The following PGRMC2 variants were observed in gnomAD, a reference collection of about 807,000 sequenced individuals.
The protein encoded by PGRMC2 is membrane-associated progesterone receptor component 2.
In PGRMC2, 9 loss-of-function variants were observed where a neutral mutation model predicts 19.3. The observed-to-expected ratio is 0.47, with a 90% confidence interval of 0.28 to 0.81. The LOEUF (loss-of-function observed/expected upper bound fraction) is 0.81. Among genes scored for constraint, PGRMC2 ranks in the 40% least tolerant of loss-of-function variants. The pLI, the probability that PGRMC2 is intolerant of heterozygous loss-of-function variation, is 0.11. For missense variants in PGRMC2, 289 were observed against 297.3 expected (o/e 0.97, Z 0.21); for synonymous variants, 157 against 124.6 (o/e 1.26, Z -1.73).
intron 1 of PGRMC2, among the ~76,000 whole-genome samples, chr4:128,273,348 CA>C (rs1462636351): frequency 6.6e-6 from 1 of 152,138 alleles, no homozygotes; most frequent in African/African-American, 2.4e-5. Context: ...GATGTGTTGA[CA>C]AAAACCATTC....
At chr4:128,284,200 A>C (rs1381158354) in intron 1 of PGRMC2, among the ~76,000 whole-genome samples, 1 of 152,210 alleles carries the variant, frequency 6.6e-6, no homozygotes, top group Non-Finnish European at 1.5e-5. Flanking sequence ...GATTCTCTAC[A>C]AGTTTATCAC....
At chr4:128,276,369 T>G (rs1362261647) in intron 1 of PGRMC2, among the ~76,000 whole-genome samples, 1 of 152,146 alleles carries the variant, frequency 6.6e-6, no homozygotes, top group Admixed American at 6.5e-5. Flanking sequence ...AGAGTCACAC[T>G]CTGTGGTGTG....
chr4:128,282,094 CCT>C (rs1760917608), intron 1 of PGRMC2, among the ~76,000 whole-genome samples: 1 of 152,178 alleles, frequency 6.6e-6, no homozygotes. Flanking sequence ...TTGTTTACTG[CCT>C]CTCTTCCTTA....
intron 1 of PGRMC2, among the ~76,000 whole-genome samples, chr4:128,274,691 A>T (rs11731509): frequency 0.13 from 19,550 of 151,962 alleles, 1,585 homozygotes; most frequent in South Asian, 0.19. Context: ...AAACAATGAT[A>T]AAAAAAATCT....
rs1399883256 is a variant in PGRMC2, at chr4:128,282,445, GCTATC to G, written c.418+4923_418+4927del. On this transcript the variant is annotated intron_variant, in intron 1 of 2. Coordinates refer to ENST00000296425, the MANE Select transcript of PGRMC2 (RefSeq NM_006320.6). ...CCTGAATAACAGCTTCTGGTTTCAA[GCTATC>G]CTTTTATAATATGCTTTAGGATTTA... Among the ~76,000 whole-genome samples the G allele has an allele frequency of 2.6e-5, 4 of 152,304 alleles. No individual in the cohort carries two copies. In the East Asian group the frequency reaches 7.7e-4, roughly 29 times the overall value.
intron 1 of PGRMC2, 138 bp from the exon 2 acceptor site, chr4:128,272,655 T>A (rs551962434): frequency 2.2e-5 from 10 of 463,938 alleles, no homozygotes; most frequent in African/African-American, 8.2e-5. Context: ...TACCCTTAAT[T>A]TCAAAACATG....
chr4:128,280,270 A>ACGCCTGT (rs1760887157), intron 1 of PGRMC2, among the ~76,000 whole-genome samples: 1 of 151,738 alleles, frequency 6.6e-6, no homozygotes, highest in South Asian at 2.1e-4. Flanking sequence ...AATAGAATGA[A>ACGCCTGT]AACCTAATGT....
rs1000541683 is a variant in PGRMC2 at position 128,270,531 on chromosome 4, G to A, written c.*785C>T. The A allele has an allele frequency of 1.9e-4, 29 of 152,520 alleles. No homozygotes were observed. Among genetic ancestry groups the A allele is most frequent in the African/African-American group, 7.0e-4 (29 of 41,410 alleles). 9.4% of individuals were successfully genotyped at this position (152,520 alleles called of 1,614,324 possible). On this transcript the variant is annotated 3_prime_UTR_variant, in exon 3 of 3. Transcript: ENST00000296425. ...CTTCAGTCTTAATGCTGCTTGTAGTGATTTCTGAATTCATTATAGGGGCTT... is the reference window on the plus strand; with the variant it reads ...CTTCAGTCTTAATGCTGCTTGTAGTAATTTCTGAATTCATTATAGGGGCTT...
chr4:128,272,269 T>G, intron 2 of PGRMC2, 93 bp downstream of exon 2: 1 of 726,724 alleles, frequency 1.4e-6, no homozygotes, highest in Non-Finnish European at 2.0e-6. Context: ...TGAAAACGGA[T>G]GACATCCTTA....
At chr4:128,275,073 T>A (rs1266861791) in intron 1 of PGRMC2, among the ~76,000 whole-genome samples, 1 of 152,184 alleles carries the variant, frequency 6.6e-6, no homozygotes, top group African/African-American at 2.4e-5. Flanking sequence ...GTAACGACCA[T>A]GAAAACTGGA....
chr4:128,273,092 G>A (rs1333837995), intron 1 of PGRMC2: 1 of 152,044 alleles, frequency 6.6e-6, no homozygotes, highest in Admixed American at 6.6e-5. Flanking sequence ...AATCTTTGCT[G>A]AGTGGTTTAA....
intron 1 of PGRMC2, among the ~76,000 whole-genome samples, chr4:128,280,417 T>C (rs190746992): frequency 2.2e-5 from 3 of 136,982 alleles, no homozygotes; most frequent in African/African-American, 8.2e-5. Context: ...TGGTACATGG[T>C]AAATAAAATC....
intron 1 of PGRMC2, among the ~76,000 whole-genome samples, chr4:128,277,225 A>C (rs1760827597): frequency 6.6e-6 from 1 of 152,218 alleles, no homozygotes; most frequent in South Asian, 2.1e-4. Context: ...TACTAGTCAG[A>C]ATTCAGATTT....
chr4:128,273,458 T>C, intron 1 of PGRMC2, among the ~76,000 whole-genome samples: 1 of 152,138 alleles, frequency 6.6e-6, no homozygotes. Context: ...AACGTAATAA[T>C]TTTCTTCCAA....
Position 128,270,022 on chromosome 4 carries a change from C to T in PGRMC2, c.*1294G>A, listed in dbSNP as rs1053185107. ...GGTACAATGTGTACAACTTGGTTAACCAGTGCCTGCTTTTCATTTCCAAGA... is the reference window on the plus strand; with the variant it reads ...GGTACAATGTGTACAACTTGGTTAATCAGTGCCTGCTTTTCATTTCCAAGA... On this transcript the variant is annotated 3_prime_UTR_variant, in exon 3 of 3. Coordinates refer to ENST00000296425, the MANE Select transcript of PGRMC2 (RefSeq NM_006320.6). 12 of 152,636 alleles carry T rather than the reference C, an allele frequency of 7.9e-5. No homozygotes were observed. The highest frequency in any genetic ancestry group is 2.9e-4 in the African/African-American group (12 of 41,450). The allele number at this position is 152,636 out of a possible 1,614,324, so 9.5% of individuals were successfully genotyped here.
rs1375037028 is a variant in PGRMC2, at chr4:128,287,689, T to G, written c.102A>C (p.Ala34=). ...CCGCCGCCCAGCCTCCCCCTTCCGCTGCCGCTCCCGCGTCGCCTGGACTCT... is the reference window on the plus strand; with the variant it reads ...CCGCCGCCCAGCCTCCCCCTTCCGCGGCCGCTCCCGCGTCGCCTGGACTCT... ...GSESPGDAGA[A]AEGGGWAAAA... The change falls in exon 1 of 3, where the codon GCA becomes GCC. Residue 34 remains alanine, a synonymous_variant. Coordinates refer to ENST00000296425, the MANE Select transcript of PGRMC2 (RefSeq NM_006320.6). 6.5e-7 allele frequency: 1 copy of G among 1,527,870 alleles called. No individual in the cohort carries two copies. The highest frequency in any genetic ancestry group is 1.4e-5 in the African/African-American group (1 of 72,672). The allele number at this position is 1,527,870 out of a possible 1,614,324, so 94.6% of individuals were successfully genotyped here. A position where few individuals can be genotyped will look rare whatever the true frequency, so the allele number is the denominator to read the frequency against.
chr4:128,279,036 C>T (rs1211571930), intron 1 of PGRMC2, among the ~76,000 whole-genome samples: 1 of 152,034 alleles, frequency 6.6e-6, no homozygotes, highest in African/African-American at 2.4e-5. Flanking sequence ...TGGAGAAACC[C>T]CGTCTCTACT....
chr4:128,269,785 AAAT>A lies in PGRMC2; in HGVS notation c.*1528_*1530del, dbSNP rs1206629476. On this transcript the variant is annotated 3_prime_UTR_variant, in exon 3 of 3. Transcript: ENST00000296425. ...TAGTAAGGGCTTTTTCAACCTAATA[AAAT>A]AATAATTTAGTATCTATCAGTGCAA... The A allele has an allele frequency of 6.6e-6, 1 of 152,322 alleles. No individual in the cohort carries two copies. Among genetic ancestry groups the A allele is most frequent in the South Asian group, 2.1e-4 (1 of 4,824 alleles). The allele number at this position is 152,322 out of a possible 1,614,324, so 9.4% of individuals were successfully genotyped here.
chr4:128,285,365 G>A (rs143177603), intron 1 of PGRMC2, among the ~76,000 whole-genome samples: 2,496 of 152,172 alleles, frequency 0.016, 72 homozygotes, highest in African/African-American at 0.057. Context: ...CTGACCTCTG[G>A]TGATCCACCC....
Sources: allele counts gnomAD v4.1 joint callset (sites outside exome capture counted in the v4.1 genomes callset), GRCh38; gene constraint gnomAD v4.1.1; transcripts MANE v1.5; gene names NCBI Gene and HGNC (gene_info 2026-07-23, HGNC 2026-07-21).